AIG1: variants seen among roughly 807,000 people sequenced by gnomAD.
AIG1 encodes the protein androgen induced 1, also known as androgen-induced gene 1 protein.
Under a neutral mutation model 31.4 loss-of-function variants are expected in AIG1, and 23 were observed. The observed-to-expected ratio is 0.73, with a 90% CI of 0.53 to 1.04. The LOEUF is 1.04. AIG1 is among the 50% of genes least tolerant of loss of function. The probability of loss-of-function intolerance (pLI) is 0.00; values close to 1 mark genes in which losing one functional copy is unlikely to be tolerated. For missense variants in AIG1, 274 were observed against 295.0 expected, an observed-to-expected ratio of 0.93 and a Z score of 0.52; for synonymous variants, 100 against 110.5, an observed-to-expected ratio of 0.90 and a Z score of 0.60.
chr6:143,174,019 A>G (rs961141843), intron 3 of AIG1, among the ~76,000 whole-genome samples: 3 of 152,156 alleles, frequency 2.0e-5, no homozygotes, highest in Non-Finnish European at 2.9e-5. Context: ...GTTGTTGTCT[A>G]TCTCACTTCT....
intron 1 of AIG1, among the ~76,000 whole-genome samples, chr6:143,103,015 T>A (rs1780444519): frequency 6.6e-6 from 1 of 152,214 alleles, no homozygotes; most frequent in Non-Finnish European, 1.5e-5. Flanking sequence ...TACTAGAGAA[T>A]CTGTTCTTCC....
chr6:143,337,457 TAA>T (rs1314474391), intron 5 of AIG1, among the ~76,000 whole-genome samples: 1 of 151,730 alleles, frequency 6.6e-6, no homozygotes, highest in African/African-American at 2.4e-5. Flanking sequence ...TACTGAGAGT[TAA>T]GCACTTCGAT....
At chr6:143,343,234 A>T (rs1777890017), downstream of AIG1, 1 of 665,828 alleles carries the variant, frequency 1.5e-6, no homozygotes, top group South Asian at 1.4e-5. Context: ...AAATTTTTTG[A>T]TTATGCAGCA....
At chr6:143,253,913 G>A (rs1583635804) in intron 3 of AIG1, among the ~76,000 whole-genome samples, 1 of 152,130 alleles carries the variant, frequency 6.6e-6, no homozygotes, top group Non-Finnish European at 1.5e-5. Context: ...TCCCTATTAG[G>A]CTGGCAGTAG....
chr6:143,289,951 T>A (rs1797942892), intron 4 of AIG1, among the ~76,000 whole-genome samples: 1 of 152,220 alleles, frequency 6.6e-6, no homozygotes, highest in African/African-American at 2.4e-5. Context: ...CACGTGTTCT[T>A]TGACCAGCAG....
chr6:143,285,547 C>T (rs868157334), intron 4 of AIG1, among the ~76,000 whole-genome samples: 2 of 151,520 alleles, frequency 1.3e-5, no homozygotes, highest in Non-Finnish European at 2.9e-5. Context: ...CCTGTAATCC[C>T]ACCTACTCGG....
chr6:143,155,129 G>A lies in AIG1; in HGVS notation c.298-9953G>A, dbSNP rs552701668. Among the ~76,000 whole-genome samples, 71 of 152,116 alleles carry A rather than the reference G, an allele frequency of 4.7e-4. 1 individual carries two copies. In the Middle Eastern group the frequency reaches 0.017, roughly 36 times the overall value. The stretch of plus-strand genomic sequence containing the variant: ...CCACCTCAGCCTCCCAAAGTGCTGG[G>A]ATTACAGGCGGGAGCCACTCAAAAT... On this transcript the variant is annotated intron_variant, in intron 2 of 5. Transcript: ENST00000357847.
intron 3 of AIG1, among the ~76,000 whole-genome samples, chr6:143,197,168 A>G (rs1790306179): frequency 6.6e-6 from 1 of 151,082 alleles, no homozygotes; most frequent in Non-Finnish European, 1.5e-5. Context: ...GTTTCTCGAC[A>G]CAAAAGTGCT....
At chr6:143,106,854 G>A (rs1343384538) in intron 1 of AIG1, among the ~76,000 whole-genome samples, 1 of 152,142 alleles carries the variant, frequency 6.6e-6, no homozygotes, top group African/African-American at 2.4e-5. Flanking sequence ...GTCTGATGAG[G>A]ACAAGGAATG....
In AIG1 at chr6:143,338,295, T is replaced by G; in HGVS notation, c.680-1344T>G. On this transcript the variant is annotated intron_variant, in intron 5 of 5. Coordinates refer to ENST00000357847, the MANE Select transcript of AIG1 (RefSeq NM_016108.4). This position sits in a 1 kb window ranked among gnomAD's most constrained non-coding sequence, Gnocchi z 4.3. ...TTGTACCTTCTTGCCTTCAAACCTG[T>G]TCCTCCTCCCGTCAGATGTCCTTAC... 1 of 326,260 alleles carries G rather than the reference T, an allele frequency of 3.1e-6. No homozygotes were observed. Among genetic ancestry groups the G allele is most frequent in the Non-Finnish European group, 5.5e-6 (1 of 180,810 alleles). The allele number at this position is 326,260 out of a possible 1,614,324, so 20.2% of individuals were successfully genotyped here. A position where few individuals can be genotyped will look rare whatever the true frequency, so the allele number is the denominator to read the frequency against.
intron 1 of AIG1, among the ~76,000 whole-genome samples, chr6:143,068,232 G>T (rs1303337713): frequency 6.6e-6 from 1 of 152,210 alleles, no homozygotes; most frequent in African/African-American, 2.4e-5. Context: ...GTTTCTGTGT[G>T]TTCCTCTGAA....
At chr6:143,228,113 A>G (rs1423386479) in intron 3 of AIG1, among the ~76,000 whole-genome samples, 1 of 152,130 alleles carries the variant, frequency 6.6e-6, no homozygotes, top group Non-Finnish European at 1.5e-5. Flanking sequence ...ACCTCCCCTC[A>G]TCCCTGCACC....
At chr6:143,202,694 C>G (rs1305126303) in intron 3 of AIG1, among the ~76,000 whole-genome samples, 3 of 152,102 alleles carry the variant, frequency 2.0e-5, no homozygotes, top group Non-Finnish European at 4.4e-5. Context: ...CCTCGTGCCC[C>G]TGGAATGGGA....
At chr6:143,223,747 A>G (rs1425064110) in intron 3 of AIG1, among the ~76,000 whole-genome samples, 3 of 152,220 alleles carry the variant, frequency 2.0e-5, no homozygotes, top group African/African-American at 7.2e-5. Flanking sequence ...CTATGATGAA[A>G]AGGTGGACAA....
chr6:143,271,334 A>G (rs1796517660), intron 3 of AIG1, among the ~76,000 whole-genome samples: 1 of 152,206 alleles, frequency 6.6e-6, no homozygotes, highest in South Asian at 2.1e-4. Flanking sequence ...ATGCTTGGCA[A>G]GAGTACTTTG....
chr6:143,167,211 A>C (rs778577709), intron 3 of AIG1, among the ~76,000 whole-genome samples: 2 of 152,226 alleles, frequency 1.3e-5, no homozygotes, highest in Non-Finnish European at 2.9e-5. Context: ...ACCAAAAAAC[A>C]TTGTCATGTG....
chr6:143,312,280 T>A (rs1443618234), intron 4 of AIG1, among the ~76,000 whole-genome samples: 1 of 151,980 alleles, frequency 6.6e-6, no homozygotes, highest in South Asian at 2.1e-4. Context: ...AGAGCAGAAC[T>A]GAAACACTCA....
At chr6:143,154,477 C>A (rs1459268282) in intron 2 of AIG1, among the ~76,000 whole-genome samples, 1 of 151,890 alleles carries the variant, frequency 6.6e-6, no homozygotes, top group Non-Finnish European at 1.5e-5. Context: ...TAGTACCAGG[C>A]CTCCCTGGGC....
chr6:143,228,592 A>G (rs1793199447), intron 3 of AIG1, among the ~76,000 whole-genome samples: 1 of 152,232 alleles, frequency 6.6e-6, no homozygotes, highest in East Asian at 1.9e-4. Flanking sequence ...GGAGCAGGAA[A>G]GAGGATTTGA....
Sources: allele counts gnomAD v4.1 joint callset (sites outside exome capture counted in the v4.1 genomes callset), GRCh38; gene constraint gnomAD v4.1.1; non-coding constraint Gnocchi (gnomAD v3.1); transcripts MANE v1.5; gene names NCBI Gene and HGNC (gene_info 2026-07-23, HGNC 2026-07-21).